The following DENND1C variants were observed in gnomAD, a reference collection of about 807,000 sequenced individuals.
DENND1C encodes the protein DENN domain containing 1C.
Under a neutral mutation model 87.9 loss-of-function variants are expected in DENND1C, and 64 were observed. That is an observed-to-expected ratio of 0.73 (90% confidence interval 0.60 to 0.90). The LOEUF is 0.90. Ranked by LOEUF, DENND1C falls within the 40% of genes least tolerant of loss-of-function variation. The pLI, the probability that DENND1C is intolerant of heterozygous loss-of-function variation, is 0.00. For missense variants in DENND1C, 980 were observed against 1,037.0 expected, an observed-to-expected ratio of 0.95 and a Z score of 0.76; for synonymous variants, 384 against 424.4, an observed-to-expected ratio of 0.90 and a Z score of 1.17.
rs765027511 is a variant in DENND1C, at chr19:6,479,997, G to A, written c.72C>T (p.Ser24=). The change falls in exon 2 of 23, where the codon TCC becomes TCT. Residue 24 remains serine (S), a synonymous_variant. Transcript: ENST00000381480. ...DWFFEAACPA[S]LQEDPPILRQ... ...AGGCTCCCAACTCACCCTCCTGCAGGGAGGCAGGGCAGGCCGCTTCGAAGA... is the reference window on the plus strand; with the variant it reads ...AGGCTCCCAACTCACCCTCCTGCAGAGAGGCAGGGCAGGCCGCTTCGAAGA... The A allele has an allele frequency of 6.2e-7, 1 of 1,610,052 alleles. No homozygotes were observed. Among genetic ancestry groups the A allele is most frequent in the Non-Finnish European group, 8.5e-7 (1 of 1,178,436 alleles).
Position 6,471,415 on chromosome 19 carries a change from C to A in DENND1C, c.1240G>T (p.Ala414Ser), listed in dbSNP as rs749104184. The A allele has an allele frequency of 1.3e-6, 2 of 1,585,750 alleles. No homozygotes were observed. Residue 414 changes from alanine to serine, a missense_variant, in exon 16 of 23, where the codon GCC becomes TCC. Physicochemically the swap from Ala to Ser is moderately conservative, Grantham distance 99 (BLOSUM62 1). Transcript: ENST00000381480. ...TGGACTCAGGGCTCACCTGAGGAGG[C>A]CCCGCAGCCAGTGATCTCCTGCTCG... ...QFEQEITGCG[A>S]SSGALRSYQL...
rs570168801 is a variant in DENND1C at position 6,481,718 on chromosome 19, C to T, written c.-23G>A. On this transcript the variant is annotated 5_prime_UTR_variant, in exon 1 of 23. Transcript: ENST00000381480. Reference sequence around the variant, plus strand: ...CATGGTCCCTGCAGGGCCAGCCCAGCGGGGCCCTCTCCCCAGGGGTCCTGG... The same window carrying T: ...CATGGTCCCTGCAGGGCCAGCCCAGTGGGGCCCTCTCCCCAGGGGTCCTGG... 2.2e-5 allele frequency: 35 copies of T among 1,563,076 alleles called. No individual in the cohort carries two copies. Among genetic ancestry groups the T allele is most frequent in the South Asian group, 5.9e-5 (5 of 84,302 alleles).
chr19:6,471,277 G>C lies in DENND1C; in HGVS notation c.1278C>G (p.Ala426=), dbSNP rs747836090. ...CTGGTGGTCTTACCTTTAGATTGTC[G>C]GCCCAGAGCTGATAGGATCGAAGGG... The part of the protein sequence containing the change: ...SGALRSYQLW[A]DNLKKGGGAL... Residue 426 remains alanine, a synonymous_variant, in exon 17 of 23, where the codon GCC becomes GCG. Coordinates refer to ENST00000381480, the MANE Select transcript of DENND1C (RefSeq NM_024898.4). 2.5e-6 allele frequency: 4 copies of C among 1,593,436 alleles called. No homozygotes were observed. Among genetic ancestry groups the C allele is most frequent in the Non-Finnish European group, 8.5e-7 (1 of 1,169,860 alleles).
chr19:6,469,031 CT>C (rs112143621), intron 19 of DENND1C, 78 bp from the exon 20 acceptor site: 296,012 of 663,012 alleles, frequency 0.45, 50,801 homozygotes, highest in Non-Finnish European at 0.48. Flanking sequence ...TTTAGTTAGT[CT>C]TTTTTTTTTT....
Position 6,467,542 on chromosome 19 carries a change from G to A in DENND1C, c.2368C>T (p.Pro790Ser), listed in dbSNP as rs1228150558. Residue 790 changes from proline (P) to serine (S), a missense_variant, in exon 23 of 23, where the codon CCC becomes TCC. Pro to Ser is a moderately conservative substitution (Grantham distance 74, BLOSUM62 -1). Coordinates refer to ENST00000381480, the MANE Select transcript of DENND1C (RefSeq NM_024898.4). ...CACTTCTTAAGATCAGCGACTCTGGGCCGGCTGCTGGGCTGGGACTTTTGA... is the reference window on the plus strand; with the variant it reads ...CACTTCTTAAGATCAGCGACTCTGGACCGGCTGCTGGGCTGGGACTTTTGA... ...NCQKSQPSSR[P>S]RVADLKKCFE... 2 of 1,609,094 alleles carry A rather than the reference G, an allele frequency of 1.2e-6. No homozygotes were observed. Among genetic ancestry groups the A allele is most frequent in the Admixed American group, 1.7e-5 (1 of 58,744 alleles).
At chr19:6,473,805 G>C (rs187402799) in intron 14 of DENND1C, among the ~76,000 whole-genome samples, 23 of 148,778 alleles carry the variant, frequency 1.5e-4, no homozygotes, top group East Asian at 6.0e-4. Flanking sequence ...GGGTGTGGGC[G>C]GGGGGGTGGG....
At chr19:6,480,151 G>C (rs1459956214) in intron 1 of DENND1C, 100 bp from the exon 2 acceptor site, 4 of 1,524,942 alleles carry the variant, frequency 2.6e-6, no homozygotes, top group Non-Finnish European at 3.5e-6. Context: ...TGTGCCACAA[G>C]GTGCGTCGGC....
chr19:6,470,237 C>T (rs923824330), intron 18 of DENND1C, 58 bp downstream of exon 18: 26 of 1,540,768 alleles, frequency 1.7e-5, no homozygotes, highest in Middle Eastern at 1.8e-4. Context: ...GTCAAAGTGT[C>T]CTCTGTCCCC....
chr19:6,471,555 C>G, intron 15 of DENND1C, 59 bp from the exon 16 acceptor site: 3 of 1,444,344 alleles, frequency 2.1e-6, no homozygotes, highest in East Asian at 2.5e-5. Flanking sequence ...GCCAGCACTT[C>G]GAAGCCTGCC....
At chr19:6,473,889 T>C (rs2092844326) in intron 14 of DENND1C, among the ~76,000 whole-genome samples, 2 of 151,898 alleles carry the variant, frequency 1.3e-5, no homozygotes, top group South Asian at 4.2e-4. Flanking sequence ...CTCTGGGAGA[T>C]AAAGCAGAGG....
rs771545184 is a variant in DENND1C at position 6,476,875 on chromosome 19, G to T, written c.660C>A (p.Thr220=). Residue 220 remains threonine (T), a synonymous_variant, in exon 10 of 23, where the codon ACC becomes ACA. Transcript: ENST00000381480. Reference sequence around the variant, plus strand: ...GCCTCACGGTGCTGAGTTTGCTGGCGGTGAGCAGGACTCTTCTCTCGGCCA... The same window carrying T: ...GCCTCACGGTGCTGAGTTTGCTGGCTGTGAGCAGGACTCTTCTCTCGGCCA... ...ALLAERRVLL[T]ASKLSTLTSC... is the part of the protein sequence containing the mutation. 2 of 1,612,498 alleles carry T rather than the reference G, an allele frequency of 1.2e-6. No homozygotes were observed. The highest frequency in any genetic ancestry group is 2.2e-5 in the East Asian group (1 of 44,850).
intron 9 of DENND1C, 27 bp from the exon 10 acceptor site, chr19:6,476,994 G>A: frequency 1.9e-6 from 3 of 1,613,586 alleles, no homozygotes; most frequent in East Asian, 4.5e-5. Flanking sequence ...CGCTCTGGGC[G>A]TGGACGGGCC....
chr19:6,470,060 C>T (rs1486475448), intron 18 of DENND1C: 2 of 348,106 alleles, frequency 5.7e-6, no homozygotes, highest in Non-Finnish European at 5.1e-6. Flanking sequence ...TTAAAGGGGC[C>T]GTGGGCGGGG....
intron 10 of DENND1C, chr19:6,476,263 C>T (rs2092859624): frequency 8.9e-6 from 3 of 337,018 alleles, no homozygotes; most frequent in African/African-American, 2.2e-5. Flanking sequence ...AGAGGTGGAG[C>T]TATGACGTAG....
chr19:6,481,759 G>A lies in DENND1C; in HGVS notation c.-64C>T, dbSNP rs1913585671. 1.4e-6 allele frequency: 2 copies of A among 1,481,054 alleles called. No individual in the cohort carries two copies. Among genetic ancestry groups the A allele is most frequent in the African/African-American group, 1.5e-5 (1 of 68,566 alleles). 91.7% of individuals were successfully genotyped at this position (1,481,054 alleles called of 1,614,324 possible). On this transcript the variant is annotated 5_prime_UTR_variant, in exon 1 of 23. Coordinates refer to ENST00000381480, the MANE Select transcript of DENND1C (RefSeq NM_024898.4). Reference sequence around the variant, plus strand: ...GGGGTCCTGGGGGCCTGTGTATGCTGGGCCCCAAGCCGGCTCAGCTTCCTG... The same window carrying A: ...GGGGTCCTGGGGGCCTGTGTATGCTAGGCCCCAAGCCGGCTCAGCTTCCTG...
rs757984888 is a variant in DENND1C, at chr19:6,477,071, C to T, written c.567+3G>A. The T allele has an allele frequency of 6.2e-7, 1 of 1,608,058 alleles. No homozygotes were observed. Among genetic ancestry groups the T allele is most frequent in the Admixed American group, 1.7e-5 (1 of 58,048 alleles). ...TCACCCCCAGAGACCCCTCCCCACT[C>T]ACGTTCTCAGGGATGGATGGCAGGC... is the stretch of plus-strand genomic sequence containing the variant. On this transcript the variant is annotated splice_donor_region_variant and intron_variant, in intron 9 of 22. Transcript: ENST00000381480.
chr19:6,473,187 G>C (rs913098230), intron 14 of DENND1C, among the ~76,000 whole-genome samples, 194 bp from the exon 15 acceptor site: 11 of 152,154 alleles, frequency 7.2e-5, no homozygotes, highest in African/African-American at 2.4e-4. Flanking sequence ...ACGGAGTCTC[G>C]CTCTGTCGCC....
chr19:6,477,578 G>GTT (rs376685830), intron 6 of DENND1C, 120 bp from the exon 7 acceptor site: 253 of 354,028 alleles, frequency 7.1e-4, no homozygotes, highest in African/African-American at 1.9e-3. Context: ...AGTCCTGGGA[G>GTT]TTTTTTTTTT....
Position 6,467,682 on chromosome 19 carries a change from G to A in DENND1C, c.2228C>T (p.Ser743Phe). 1 of 1,522,898 alleles carries A rather than the reference G, an allele frequency of 6.6e-7. No homozygotes were observed. Among genetic ancestry groups the A allele is most frequent in the South Asian group, 1.3e-5 (1 of 75,678 alleles). 94.3% of individuals were successfully genotyped at this position (1,522,898 alleles called of 1,614,324 possible). A position where few individuals can be genotyped will look rare whatever the true frequency, so the allele number is the denominator to read the frequency against. The change falls in exon 23 of 23, where the codon TCT (serine) becomes TTT (phenylalanine). Residue 743 changes from serine (S) to phenylalanine (F), a missense_variant. Physicochemically the swap from Ser to Phe is radical, Grantham distance 155. Transcript: ENST00000381480. ...QPLDPSSDPS[S>F]LEDPRARPPK... is the part of the protein sequence containing the mutation. ...AGGCCGGGCTCTGGGGTCCTCCAGA[G>A]AACTGGGGTCTGAGGAAGGATCAAG...
Sources: allele counts gnomAD v4.1 joint callset (sites outside exome capture counted in the v4.1 genomes callset), GRCh38; gene constraint gnomAD v4.1.1; transcripts MANE v1.5; gene names NCBI Gene and HGNC (gene_info 2026-07-23, HGNC 2026-07-21).